Variants in PTPRN2 observed in about 807,000 individuals in gnomAD.
PTPRN2 encodes receptor-type tyrosine-protein phosphatase N2.
Under a neutral mutation model 118.8 loss-of-function variants are expected in PTPRN2, and 74 were observed. The ratio of observed to expected loss-of-function variants is 0.62; its 90% CI spans 0.52 to 0.76. PTPRN2 has a LOEUF of 0.76. Ranked by LOEUF, PTPRN2 falls within the 30% of genes least tolerant of loss-of-function variation. The pLI, the probability that PTPRN2 is intolerant of heterozygous loss-of-function variation, is 0.00. For missense variants in PTPRN2, 1,481 were observed against 1,394.4 expected, an observed-to-expected ratio of 1.06 and a Z score of -0.99; for synonymous variants, 641 against 608.0, an observed-to-expected ratio of 1.05 and a Z score of -0.80.
intron 21 of PTPRN2, among the ~76,000 whole-genome samples, chr7:157,566,000 GCTGCTAAA>G (rs1384891680): frequency 6.6e-6 from 1 of 152,210 alleles, no homozygotes; most frequent in African/African-American, 2.4e-5. Context: ...TCGTCTACTT[GCTGCTAAA>G]CTGGACAGTA....
chr7:157,848,485 A>T (rs980365281), intron 12 of PTPRN2, among the ~76,000 whole-genome samples: 7 of 152,212 alleles, frequency 4.6e-5, no homozygotes, highest in African/African-American at 1.7e-4. Context: ...CCCAATGTTT[A>T]CAGAGCCCTC....
At chr7:158,577,955 G>A (rs147604770) in intron 1 of PTPRN2, among the ~76,000 whole-genome samples, 2 of 152,194 alleles carry the variant, frequency 1.3e-5, no homozygotes, top group African/African-American at 2.4e-5. Context: ...GATGGGCACA[G>A]CAAGACTGCC....
Position 158,027,013 on chromosome 7 carries a change from A to G in PTPRN2, c.1723+54285T>C, listed in dbSNP as rs527644188. Among the ~76,000 whole-genome samples the G allele has an allele frequency of 9.2e-5, 14 of 152,304 alleles. No homozygotes were observed. In the South Asian group the frequency reaches 2.3e-3, roughly 25 times the overall value. On this transcript the variant is annotated intron_variant, in intron 11 of 22. Transcript: ENST00000389418. ...CGACCCTTTTGGCCCAGGAACTGCC[A>G]TTCACGGGCACAGCACACCTGCTCC... is the stretch of plus-strand genomic sequence containing the variant.
Position 158,565,395 on chromosome 7 carries a change from C to G in PTPRN2, c.112+22163G>C, listed in dbSNP as rs1827612527. Among the ~76,000 whole-genome samples, 1 of 152,124 alleles carries G rather than the reference C, an allele frequency of 6.6e-6. No individual in the cohort carries two copies. On this transcript the variant is annotated intron_variant, in intron 1 of 22. Transcript: ENST00000389418. The surrounding 1 kb of genome is among the most constrained non-coding windows in gnomAD (Gnocchi z 4.6). ...CTCATCCTGAGAGGTGAGACAGAGC[C>G]AGCTCTGGGCTGTGGCTGGTCATCT...
intron 13 of PTPRN2, among the ~76,000 whole-genome samples, chr7:157,669,121 G>A (rs1250855674): frequency 1.3e-5 from 2 of 152,182 alleles, no homozygotes; most frequent in Non-Finnish European, 2.9e-5. Context: ...GGTGCTCCGG[G>A]GTCTGGGTGC....
Position 157,690,391 on chromosome 7 carries a change from C to T in PTPRN2, c.1789-7454G>A, listed in dbSNP as rs929278866. ...TAGAGCCCCCATGCGCGCCCTCCAG[C>T]CTTCGAAAGCTCTCTTCCTCGCCCC... On this transcript the variant is annotated intron_variant, in intron 12 of 22. Transcript: ENST00000389418. The surrounding 1 kb of genome is among the most constrained non-coding windows in gnomAD (Gnocchi z 7.1). 4.6e-5 allele frequency among the ~76,000 whole-genome samples: 7 copies of T among 152,168 alleles called. No individual in the cohort carries two copies. The highest frequency in any genetic ancestry group is 1.7e-4 in the African/African-American group (7 of 41,462).
At chr7:158,300,550 G>A (rs573998885) in intron 3 of PTPRN2, among the ~76,000 whole-genome samples, 9 of 2,374 alleles carry the variant, frequency 3.8e-3, no homozygotes, top group East Asian at 0.017. Context: ...CAATCTGCAC[G>A]CCCACAGCGC....
In PTPRN2 at chr7:158,509,832, G is replaced by T. The variant is rs75868563; in HGVS notation, c.113-20047C>A. ...ACTTGCAGTGCTCTGTTCCATGGCC[G>T]AGAGGGCTGTAAGTGATTTGGTGCA... On this transcript the variant is annotated intron_variant, in intron 1 of 22. Transcript: ENST00000389418. The surrounding 1 kb of genome is among the most constrained non-coding windows in gnomAD (Gnocchi z 4.4). Among the ~76,000 whole-genome samples, 1 of 152,324 alleles carries T rather than the reference G, an allele frequency of 6.6e-6. No homozygotes were observed. The highest frequency in any genetic ancestry group is 2.1e-4 in the South Asian group (1 of 4,834).
chr7:157,774,734 C>A (rs1393102903), intron 12 of PTPRN2, among the ~76,000 whole-genome samples: 1 of 152,106 alleles, frequency 6.6e-6, no homozygotes, highest in Non-Finnish European at 1.5e-5. Context: ...GAGGGCACGC[C>A]CGACAGGGGA....
intron 15 of PTPRN2, among the ~76,000 whole-genome samples, chr7:157,604,756 C>A (rs1322539917): frequency 6.6e-6 from 1 of 152,208 alleles, no homozygotes; most frequent in Admixed American, 6.5e-5. Context: ...GACAGAGTAA[C>A]CTGACGGCTG....
At chr7:157,976,521 G>C (rs900248658) in intron 11 of PTPRN2, among the ~76,000 whole-genome samples, 1 of 148,706 alleles carries the variant, frequency 6.7e-6, no homozygotes, top group Non-Finnish European at 1.5e-5. Flanking sequence ...ACTCTGCCCA[G>C]CACCTTACTG....
chr7:158,146,891 C>A (rs887881747), intron 6 of PTPRN2, among the ~76,000 whole-genome samples: 2 of 151,848 alleles, frequency 1.3e-5, no homozygotes, highest in African/African-American at 4.8e-5. Flanking sequence ...GAAAATACAC[C>A]ATTAAGATCC....
intron 13 of PTPRN2, among the ~76,000 whole-genome samples, chr7:157,661,417 G>A (rs929807615): frequency 1.1e-4 from 16 of 152,272 alleles, no homozygotes; most frequent in Non-Finnish European, 2.2e-4. Context: ...ACGCGCGGCC[G>A]GGGACGCTGC....
chr7:158,288,757 T>A (rs1342131272), intron 3 of PTPRN2, among the ~76,000 whole-genome samples: 7 of 152,214 alleles, frequency 4.6e-5, no homozygotes, highest in Admixed American at 4.6e-4. Context: ...GTATACTTAT[T>A]TTTATCAGTG....
chr7:157,909,647 G>A (rs569161224), intron 11 of PTPRN2, among the ~76,000 whole-genome samples: 6 of 152,234 alleles, frequency 3.9e-5, no homozygotes, highest in Non-Finnish European at 8.8e-5. Flanking sequence ...TCAAATGCCT[G>A]CCTGCAGCCA....
chr7:158,440,631 G>A (rs987074067), intron 2 of PTPRN2, among the ~76,000 whole-genome samples: 1 of 146,774 alleles, frequency 6.8e-6, no homozygotes, highest in Non-Finnish European at 1.5e-5. Flanking sequence ...AGGTGGTCGT[G>A]GTGATGATGG....
At chr7:157,889,286 C>T (rs1796660835) in intron 12 of PTPRN2, among the ~76,000 whole-genome samples, 1 of 151,116 alleles carries the variant, frequency 6.6e-6, no homozygotes, top group Admixed American at 6.6e-5. Flanking sequence ...TGGGTTCAGA[C>T]CCGCCTGGTT....
chr7:158,234,512 T>C (rs1469282290), intron 3 of PTPRN2, among the ~76,000 whole-genome samples: 1 of 148,656 alleles, frequency 6.7e-6, no homozygotes, highest in Non-Finnish European at 1.5e-5. Flanking sequence ...CCAACAGATA[T>C]AGTCATCAAA....
chr7:158,297,912 A>G (rs1237760347), intron 3 of PTPRN2, among the ~76,000 whole-genome samples: 3 of 152,250 alleles, frequency 2.0e-5, no homozygotes, highest in Admixed American at 2.0e-4. Flanking sequence ...TAAGGAATGC[A>G]TGTTTTAATG....
Sources: gnomAD v4.1 joint callset for allele counts (sites outside exome capture counted in the v4.1 genomes callset) on GRCh38, gnomAD v4.1.1 for gene constraint, Gnocchi (gnomAD v3.1) non-coding constraint, MANE v1.5 for transcripts, NCBI Gene and HGNC (gene_info 2026-07-23, HGNC 2026-07-21) for gene names.